CAPRIN2: variants seen among roughly 807,000 people sequenced by gnomAD.
CAPRIN2 encodes the protein caprin family member 2, also known as caprin-2.
A neutral mutation model predicts 130.4 loss-of-function variants in CAPRIN2; 66 were observed. The ratio of observed to expected loss-of-function variants is 0.51; its 90% confidence interval spans 0.42 to 0.62. The LOEUF (loss-of-function observed/expected upper bound fraction) is 0.62, where lower values mean the gene tolerates loss of function less well. CAPRIN2 is among the 20% of genes least tolerant of loss of function. CAPRIN2 has a pLI of 0.00. For missense variants in CAPRIN2, 1,185 were observed against 1,246.6 expected, an observed-to-expected ratio of 0.95 and a Z score of 0.74; for synonymous variants, 471 against 444.1, an observed-to-expected ratio of 1.06 and a Z score of -0.76.
chr12:30,716,128 T>C (rs2057481303), intron 13 of CAPRIN2: 1 of 193,642 alleles, frequency 5.2e-6, no homozygotes, highest in Non-Finnish European at 1.0e-5. Flanking sequence ...TCTTTTATTA[T>C]AAGATAGAAA....
chr12:30,747,448 C>T (rs182660533), intron 2 of CAPRIN2, among the ~76,000 whole-genome samples: 4 of 152,048 alleles, frequency 2.6e-5, no homozygotes, highest in African/African-American at 4.8e-5. Flanking sequence ...GAGGCCGAGG[C>T]GGGCAGATCA....
chr12:30,728,524 C>T (rs1326595804), intron 8 of CAPRIN2, 124 bp downstream of exon 9: 7 of 771,482 alleles, frequency 9.1e-6, no homozygotes, highest in Admixed American at 3.1e-5. Context: ...CACTGCACTC[C>T]AGCCTGGGTA....
chr12:30,711,912 C>T (rs996449563), intron 15 of CAPRIN2: 5 of 526,734 alleles, frequency 9.5e-6, no homozygotes, highest in East Asian at 4.4e-5. Flanking sequence ...AGATACAATG[C>T]TAGGTAATGA....
chr12:30,734,860 A>ACACC, intron 4 of CAPRIN2, 108 bp downstream of exon 5: 1 of 554,072 alleles, frequency 1.8e-6, no homozygotes, highest in Admixed American at 2.5e-5. Context: ...ACACACACAC[A>ACACC]CACACACACA....
chr12:30,753,661 G>C, exon 1 of CAPRIN2: 1 of 1,614,170 alleles, frequency 6.2e-7, no homozygotes, highest in Non-Finnish European at 8.5e-7. Flanking sequence ...GAGGGACACA[G>C]CCAGGCAATA....
Position 30,724,362 on chromosome 12 carries a change from T to C in CAPRIN2, c.1987+8A>G, listed in dbSNP as rs1309015000. On this transcript the variant is annotated splice_region_variant and intron_variant, in intron 10 of 16. Transcript: ENST00000298892. ...CGTTTGCTCCAAGTCTTTAGAATGATTACATACCTACGGGGCTACCTGGAG... is the reference window on the plus strand; with the variant it reads ...CGTTTGCTCCAAGTCTTTAGAATGACTACATACCTACGGGGCTACCTGGAG... The C allele has an allele frequency of 3.2e-6, 5 of 1,582,956 alleles. 1 individual carries two copies. The South Asian group carries it at 5.5e-5, about 18-fold the overall frequency.
intron 11 of CAPRIN2, among the ~76,000 whole-genome samples, chr12:30,722,908 AAAC>A (rs775937410): frequency 3.3e-5 from 5 of 152,202 alleles, no homozygotes; most frequent in Non-Finnish European, 7.3e-5. Context: ...TGTCTCAATA[AAAC>A]AACAACAACA....
chr12:30,725,668 A>G (rs2060698341), intron 9 of CAPRIN2, among the ~76,000 whole-genome samples: 1 of 152,230 alleles, frequency 6.6e-6, no homozygotes, highest in Non-Finnish European at 1.5e-5. Context: ...AGGTTCTCAC[A>G]GTTCTCAGTA....
intron 2 of CAPRIN2, among the ~76,000 whole-genome samples, chr12:30,742,764 A>G (rs2068116140): frequency 6.6e-6 from 1 of 152,168 alleles, no homozygotes; most frequent in African/African-American, 2.4e-5. Flanking sequence ...CACATGAGAA[A>G]GGAGCCTCAA....
chr12:30,723,098 A>G (rs1018684439), intron 11 of CAPRIN2, among the ~76,000 whole-genome samples, 161 bp downstream of exon 12: 2 of 152,206 alleles, frequency 1.3e-5, no homozygotes, highest in Admixed American at 1.3e-4. Flanking sequence ...TCGGGGAATC[A>G]TTTTAGGACA....
chr12:30,718,973 T>C (rs2058514377), intron 12 of CAPRIN2, 106 bp downstream of exon 14: 3 of 1,320,902 alleles, frequency 2.3e-6, no homozygotes, highest in Non-Finnish European at 3.1e-6. Flanking sequence ...CAAATAAATT[T>C]TACAAAAGGC....
intron 10 of CAPRIN2, among the ~76,000 whole-genome samples, chr12:30,723,815 C>T (rs2060118773): frequency 6.6e-6 from 1 of 152,180 alleles, no homozygotes; most frequent in Non-Finnish European, 1.5e-5. Context: ...TTTACTCTCA[C>T]TTCACCCAGG....
Position 30,709,984 on chromosome 12 carries a change from C to T in CAPRIN2, c.3152G>A (p.Trp1051Ter). 1 of 1,614,038 alleles carries T rather than the reference C, an allele frequency of 6.2e-7. No homozygotes were observed. The highest frequency in any genetic ancestry group is 8.5e-7 in the Non-Finnish European group (1 of 1,179,990). The stretch of plus-strand genomic sequence containing the variant: ...AATTGCTCCCCTGTGCAGACGTAAC[C>T]ATATCTGGTCTCCCTGGAAGAGCTG... The change falls in exon 17 of 17, where the codon TGG becomes TAG. Residue 1051 changes from tryptophan (W) to a stop codon, truncating the protein, a stop_gained. Transcript: ENST00000298892. LOFTEE classifies it high-confidence loss of function.
intron 16 of CAPRIN2, 26 bp downstream of exon 18, chr12:30,711,540 A>G (rs781389917): frequency 3.2e-6 from 5 of 1,582,530 alleles, no homozygotes; most frequent in Non-Finnish European, 4.3e-6. Flanking sequence ...GCTGGGTAAG[A>G]AAACTATTCA....
chr12:30,723,874 G>A (rs1457076591), intron 10 of CAPRIN2, among the ~76,000 whole-genome samples: 1 of 152,166 alleles, frequency 6.6e-6, no homozygotes, highest in African/African-American at 2.4e-5. Flanking sequence ...ACTAAAGCTG[G>A]ACTAGCTTTA....
chr12:30,753,446 A>C, exon 1 of CAPRIN2: 2 of 1,614,168 alleles, frequency 1.2e-6, no homozygotes, highest in Non-Finnish European at 1.7e-6. Context: ...AACTCAGAGT[A>C]GACTGCAGGG....
intron 1 of CAPRIN2, 175 bp from the exon 3 acceptor site, chr12:30,751,308 G>GA: frequency 1.7e-6 from 1 of 587,678 alleles, no homozygotes; most frequent in Non-Finnish European, 3.1e-6. Flanking sequence ...AGTCAGGGGA[G>GA]AAAAAATACA....
At chr12:30,715,041 G>C in exon 14 of CAPRIN2, 5 of 1,613,980 alleles carry the variant, frequency 3.1e-6, no homozygotes, top group Non-Finnish European at 3.4e-6. Context: ...CCCGGCTATT[G>C]ACAAATGGCT....
intron 4 of CAPRIN2, among the ~76,000 whole-genome samples, chr12:30,734,416 C>G (rs1447552829): frequency 6.6e-6 from 1 of 152,040 alleles, no homozygotes; most frequent in Non-Finnish European, 1.5e-5. Context: ...CAATGGATCA[C>G]TGTGAGGGAA....
Sources: allele counts gnomAD v4.1 joint callset (sites outside exome capture counted in the v4.1 genomes callset), GRCh38; gene constraint gnomAD v4.1.1; transcripts MANE v1.5; gene names NCBI Gene and HGNC (gene_info 2026-07-23, HGNC 2026-07-21).